The following WIPF2 variants were observed in gnomAD, a reference collection of about 807,000 sequenced individuals.
WIPF2 encodes the protein WAS/WASL-interacting protein family member 2.
WIPF2 carries 23 observed loss-of-function variants against 38.8 expected under a neutral mutation model. The ratio of observed to expected loss-of-function variants is 0.59; its 90% confidence interval spans 0.43 to 0.84. The LOEUF (loss-of-function observed/expected upper bound fraction) is 0.84, where lower values mean the gene tolerates loss of function less well. Ranked by LOEUF, WIPF2 falls within the 40% of genes least tolerant of loss-of-function variation. The pLI is 0.00. For missense variants in WIPF2, 574 were observed against 580.5 expected (o/e 0.99, Z 0.11); for synonymous variants, 210 against 223.2 (o/e 0.94, Z 0.53).
chr17:40,220,456 C>T (rs1457648948), intron 1 of WIPF2: 2 of 149,184 alleles, frequency 1.3e-5, no homozygotes, highest in Non-Finnish European at 3.0e-5. Context: ...AGTGCAGTGG[C>T]ATGATCATGG....
At chr17:40,234,326 G>C (rs1334640341) in intron 1 of WIPF2, among the ~76,000 whole-genome samples, 1 of 152,246 alleles carries the variant, frequency 6.6e-6, no homozygotes, top group African/African-American at 2.4e-5. Flanking sequence ...CTACTCGGGA[G>C]GCTGAGGCAG....
In WIPF2 at chr17:40,274,009, T is replaced by C. The variant is rs974195179; in HGVS notation, c.1180+10T>C. The C allele has an allele frequency of 3.3e-6, 5 of 1,519,342 alleles. No individual in the cohort carries two copies. The Admixed American group carries it at 6.5e-5, about 20-fold the overall frequency. 94.1% of individuals were successfully genotyped at this position (1,519,342 alleles called of 1,614,324 possible). A position where few individuals can be genotyped will look rare whatever the true frequency, so the allele number is the denominator to read the frequency against. On this transcript the variant is annotated intron_variant, in intron 6 of 7. Transcript: ENST00000323571. ...GTCCGGTCTTTCTTGGGTGAGTAGC[T>C]AGCTATCTGTAGTCTCATGGTTCCT... is the stretch of plus-strand genomic sequence containing the variant.
chr17:40,277,237 G>C lies in WIPF2; in HGVS notation c.1282+53G>C, dbSNP rs549645484. 8 of 1,472,158 alleles carry C rather than the reference G, an allele frequency of 5.4e-6. No homozygotes were observed. In the East Asian group the frequency reaches 1.9e-4, roughly 34 times the overall value. The allele number at this position is 1,472,158 out of a possible 1,614,324, so 91.2% of individuals were successfully genotyped here. On this transcript the variant is annotated intron_variant, in intron 7 of 7. Transcript: ENST00000323571. ...CATAATTGCATAGAATGTAGAATCTGTGCATTTTCTTAGGTTAAAATTTGC... is the reference window on the plus strand; with the variant it reads ...CATAATTGCATAGAATGTAGAATCTCTGCATTTTCTTAGGTTAAAATTTGC...
Position 40,264,982 on chromosome 17 carries a change from C to A in WIPF2, c.806C>A (p.Thr269Asn). The change falls in exon 5 of 8, where the codon ACT becomes AAT. Residue 269 changes from threonine (T) to asparagine (N), a missense_variant. Transcript: ENST00000323571. ...PGVPNGPSSP[T>N]NESAPELPQR... Reference sequence around the variant, plus strand: ...GTCCCCAATGGACCCTCTAGCCCCACTAATGAGTCAGCCCCTGAGCTGCCA... The same window carrying A: ...GTCCCCAATGGACCCTCTAGCCCCAATAATGAGTCAGCCCCTGAGCTGCCA... 1.2e-6 allele frequency: 2 copies of A among 1,614,178 alleles called. No homozygotes were observed. Among genetic ancestry groups the A allele is most frequent in the Non-Finnish European group, 1.7e-6 (2 of 1,180,008 alleles).
intron 1 of WIPF2, among the ~76,000 whole-genome samples, chr17:40,223,979 T>C (rs986252797): frequency 3.3e-5 from 5 of 152,074 alleles, no homozygotes; most frequent in Admixed American, 2.6e-4. Flanking sequence ...CTGAAATAAC[T>C]GTGAAATTCA....
intron 1 of WIPF2, among the ~76,000 whole-genome samples, chr17:40,234,452 C>A (rs12945862): frequency 0.12 from 18,806 of 150,560 alleles, 3,261 homozygotes; most frequent in African/African-American, 0.39. Context: ...AACAAACAAA[C>A]AAAAAAAACA....
Position 40,282,892 on chromosome 17 carries a change from T to C in WIPF2, c.*4667T>C, listed in dbSNP as rs959263415. 8 of 152,046 alleles carry C rather than the reference T, an allele frequency of 5.3e-5. No individual in the cohort carries two copies. Among genetic ancestry groups the C allele is most frequent in the Non-Finnish European group, 5.9e-5 (4 of 68,058 alleles). The allele number at this position is 152,046 out of a possible 1,614,324, so 9.4% of individuals were successfully genotyped here. ...TCCTCTCCAGCTGTATTTTGAAAAT[T>C]ACAGTTCTAGTTGGCTGGGCGCGAT... On this transcript the variant is annotated 3_prime_UTR_variant, in exon 8 of 8. Transcript: ENST00000323571.
chr17:40,257,893 T>C lies in WIPF2; in HGVS notation c.63+1371T>C, dbSNP rs192075465. Among the ~76,000 whole-genome samples, 3 of 152,314 alleles carry C rather than the reference T, an allele frequency of 2.0e-5. No individual in the cohort carries two copies. The East Asian group carries it at 5.8e-4, about 29-fold the overall frequency. ...GTGTGTATGTGTGCTTATATGTGTA[T>C]GTTAAGTGTTTAACAGTTGAGAAAT... On this transcript the variant is annotated intron_variant, in intron 2 of 7. Transcript: ENST00000323571.
chr17:40,238,069 G>GA (rs111646102), intron 1 of WIPF2, among the ~76,000 whole-genome samples: 23 of 137,478 alleles, frequency 1.7e-4, no homozygotes, highest in Non-Finnish European at 2.1e-4. Context: ...CGTCTCAAAA[G>GA]AAAAAAAAAA....
chr17:40,239,883 G>A (rs2031126441), intron 1 of WIPF2, among the ~76,000 whole-genome samples: 1 of 151,228 alleles, frequency 6.6e-6, no homozygotes. Flanking sequence ...TTTTAATAGA[G>A]GTGGGGTTTT....
intron 1 of WIPF2, among the ~76,000 whole-genome samples, chr17:40,241,670 A>G (rs1279819881): frequency 6.6e-6 from 1 of 152,160 alleles, no homozygotes; most frequent in African/African-American, 2.4e-5. Flanking sequence ...GGTGAAATGG[A>G]AAATTGACTC....
chr17:40,223,595 T>TG (rs2030344324), intron 1 of WIPF2, among the ~76,000 whole-genome samples: 2 of 147,284 alleles, frequency 1.4e-5, no homozygotes, highest in Admixed American at 6.9e-5. Flanking sequence ...AAATTTTTTT[T>TG]TGGGTTTTTT....
chr17:40,276,018 T>G (rs2032387660), intron 6 of WIPF2, among the ~76,000 whole-genome samples: 2 of 152,212 alleles, frequency 1.3e-5, no homozygotes, highest in Non-Finnish European at 2.9e-5. Flanking sequence ...ACAGAAAATT[T>G]GAGCTTTCTG....
chr17:40,254,109 C>T (rs567466597), intron 1 of WIPF2, among the ~76,000 whole-genome samples: 4 of 151,906 alleles, frequency 2.6e-5, no homozygotes, highest in South Asian at 4.2e-4. Context: ...CTCCGCCTCC[C>T]GGGTTCAAGC....
At chr17:40,240,316 C>T (rs1285576072) in intron 1 of WIPF2, among the ~76,000 whole-genome samples, 2 of 151,822 alleles carry the variant, frequency 1.3e-5, no homozygotes, top group African/African-American at 2.4e-5. Context: ...CCACCTGCCT[C>T]GGCCTCCCAA....
intron 1 of WIPF2, among the ~76,000 whole-genome samples, chr17:40,250,046 C>T (rs1255302510): frequency 1.3e-5 from 2 of 150,840 alleles, no homozygotes; most frequent in East Asian, 4.0e-4. Context: ...GTTGCCCAGG[C>T]TGGTCTCGAT....
At chr17:40,264,402 C>A in intron 4 of WIPF2, 88 bp from the exon 5 acceptor site, 1 of 1,005,874 alleles carries the variant, frequency 9.9e-7, no homozygotes, top group South Asian at 1.3e-5. Context: ...TGCTGCCATG[C>A]AGGTTGCACT....
chr17:40,232,786 G>A (rs1347726593), intron 1 of WIPF2, among the ~76,000 whole-genome samples: 3 of 151,016 alleles, frequency 2.0e-5, no homozygotes, highest in African/African-American at 4.9e-5. Flanking sequence ...TTACAGGCAT[G>A]CGCCACCATG....
intron 1 of WIPF2, among the ~76,000 whole-genome samples, chr17:40,229,117 C>CTT (rs1162553464): frequency 2.1e-5 from 3 of 141,546 alleles, no homozygotes; most frequent in Non-Finnish European, 4.7e-5. Flanking sequence ...CCAGGCTGGT[C>CTT]TTTTTTTTTT....
Sources: allele counts gnomAD v4.1 joint callset (sites outside exome capture counted in the v4.1 genomes callset), GRCh38; gene constraint gnomAD v4.1.1; transcripts MANE v1.5; gene names NCBI Gene and HGNC (gene_info 2026-07-23, HGNC 2026-07-21).